Variants in KCNG3 observed in about 807,000 individuals in gnomAD.
The protein encoded by KCNG3 is potassium voltage-gated channel modifier subfamily G member 3, also known as voltage-gated potassium channel regulatory subunit KCNG3.
KCNG3 carries 15 observed loss-of-function variants against 29.0 expected under a neutral mutation model. The observed-to-expected ratio is 0.52, with a 90% CI of 0.35 to 0.80. KCNG3 has a LOEUF of 0.80. Among genes scored for constraint, KCNG3 ranks in the 30% least tolerant of loss-of-function variants. The pLI, the probability that KCNG3 is intolerant of heterozygous loss-of-function variation, is 0.01. For synonymous variants in KCNG3, 322 were observed against 248.9 expected, an observed-to-expected ratio of 1.29 and a Z score of -2.76; for missense variants, 512 against 605.7, an observed-to-expected ratio of 0.85 and a Z score of 1.62.
chr2:42,466,753 C>CCTTTTTTTTTTTTT (rs1553329191), intron 1 of KCNG3, among the ~76,000 whole-genome samples: 1 of 134,270 alleles, frequency 7.4e-6, no homozygotes, highest in Non-Finnish European at 1.6e-5. Flanking sequence ...AATACTCTTC[C>CCTTTTTTTTTTTTT]TTTTTTTTTT....
At position 42,457,816 on chromosome 2, in the gene KCNG3, T is replaced by TA. The variant is rs796611658; in HGVS notation, c.666-13238dup. On this transcript the variant is annotated intron_variant, in intron 1 of 1. Coordinates refer to ENST00000306078, the MANE Select transcript of KCNG3 (RefSeq NM_133329.6). ...GGGTAACAGAGTAAGACCCTATCTC[T>TA]AAAAAAAAAAAGAAATGTACAAAGC... is the stretch of plus-strand genomic sequence containing the variant. Among the ~76,000 whole-genome samples the TA allele has an allele frequency of 4.9e-3, 689 of 141,578 alleles. 4 individuals carry two copies. The highest frequency in any genetic ancestry group is 0.015 in the African/African-American group (583 of 38,738). 92.9% of individuals were successfully genotyped at this position (141,578 alleles called of 152,430 possible). A position where few individuals can be genotyped will look rare whatever the true frequency, so the allele number is the denominator to read the frequency against.
chr2:42,406,636 C>T, the KCNG3 span, among the ~76,000 whole-genome samples: 1 of 150,800 alleles, frequency 6.6e-6, no homozygotes, highest in African/African-American at 2.4e-5. Flanking sequence ...ACCAGCCTGA[C>T]CAATATGGTG....
At chr2:42,433,530 G>A in the KCNG3 span, among the ~76,000 whole-genome samples, 2 of 152,150 alleles carry the variant, frequency 1.3e-5, no homozygotes, top group South Asian at 2.1e-4. Flanking sequence ...CTTGAGGTCA[G>A]GAGTTCAAGA....
At chr2:42,490,833 A>G (rs1270678802) in intron 1 of KCNG3, among the ~76,000 whole-genome samples, 1 of 152,216 alleles carries the variant, frequency 6.6e-6, no homozygotes, top group Non-Finnish European at 1.5e-5. Context: ...TTCAGCAACC[A>G]CAAGCAAGCA....
chr2:42,430,540 G>A, the KCNG3 span, among the ~76,000 whole-genome samples: 4 of 150,902 alleles, frequency 2.7e-5, no homozygotes, highest in East Asian at 2.0e-4. Context: ...ACTTGGGCCC[G>A]GGAGGTTTGA....
At chr2:42,432,499 C>T in the KCNG3 span, among the ~76,000 whole-genome samples, 12 of 152,288 alleles carry the variant, frequency 7.9e-5, 1 homozygote, top group Middle Eastern at 3.4e-3. Flanking sequence ...CTAACATTGA[C>T]GATTCAAGGA....
chr2:42,446,459 A>C (rs1672600372), intron 1 of KCNG3, among the ~76,000 whole-genome samples: 1 of 152,234 alleles, frequency 6.6e-6, no homozygotes, highest in South Asian at 2.1e-4. Context: ...GATTACAGGC[A>C]TGAGCCACCA....
the KCNG3 span, among the ~76,000 whole-genome samples, chr2:42,429,240 A>T: frequency 6.6e-6 from 1 of 152,220 alleles, no homozygotes; most frequent in African/African-American, 2.4e-5. Flanking sequence ...AGAATGTGGT[A>T]CAAGGGGAGA....
chr2:42,393,784 C>G, the KCNG3 span, among the ~76,000 whole-genome samples: 19 of 151,968 alleles, frequency 1.3e-4, no homozygotes, highest in Admixed American at 3.9e-4. Context: ...GTAAACTTCC[C>G]CCTTTTTTTT....
intron 1 of KCNG3, among the ~76,000 whole-genome samples, chr2:42,487,971 G>C (rs1263118480): frequency 6.6e-6 from 1 of 152,140 alleles, no homozygotes; most frequent in East Asian, 1.9e-4. Context: ...TAAAAAGCAA[G>C]TTTCAGGACT....
At position 42,493,307 on chromosome 2, in the gene KCNG3, C is replaced by T. The variant is rs778209277; in HGVS notation, c.195G>A (p.Arg65=). Residue 65 remains arginine, a synonymous_variant, in exon 1 of 2, where the codon CGG becomes CGA. Transcript: ENST00000306078. ...GGATGAAGCCGAAGGCCTCCGAGTGCCGGTCGAAGAAGTACTCGTTGCGCT... is the reference window on the plus strand; with the variant it reads ...GGATGAAGCCGAAGGCCTCCGAGTGTCGGTCGAAGAAGTACTCGTTGCGCT... The part of the protein sequence containing the change: ...DRERNEYFFD[R]HSEAFGFILL... The T allele has an allele frequency of 1.2e-6, 2 of 1,610,356 alleles. No individual in the cohort carries two copies. The highest frequency in any genetic ancestry group is 1.1e-5 in the South Asian group (1 of 90,704).
intron 1 of KCNG3, among the ~76,000 whole-genome samples, chr2:42,447,961 C>A (rs1672644599): frequency 6.6e-6 from 1 of 152,156 alleles, no homozygotes; most frequent in African/African-American, 2.4e-5. Flanking sequence ...TGCCAAGCTA[C>A]CCCTACAGAG....
chr2:42,404,768 C>A, the KCNG3 span, among the ~76,000 whole-genome samples: 1 of 152,106 alleles, frequency 6.6e-6, no homozygotes, highest in Admixed American at 6.5e-5. Flanking sequence ...GATGCTGCCA[C>A]TGGGGGAGTA....
At chr2:42,478,579 TGGTAGTGGA>T (rs1225952110) in intron 1 of KCNG3, among the ~76,000 whole-genome samples, 8 of 152,090 alleles carry the variant, frequency 5.3e-5, no homozygotes, top group Admixed American at 2.0e-4. Flanking sequence ...ATTGAGTACA[TGGTAGTGGA>T]GGATATAAAA....
chr2:42,458,090 C>T (rs952856513), intron 1 of KCNG3, among the ~76,000 whole-genome samples: 2 of 152,096 alleles, frequency 1.3e-5, no homozygotes, highest in Non-Finnish European at 2.9e-5. Context: ...TTTTTACATT[C>T]CTCACTTGAT....
the KCNG3 span, among the ~76,000 whole-genome samples, chr2:42,394,739 T>A: frequency 2.0e-5 from 3 of 152,188 alleles, no homozygotes; most frequent in African/African-American, 7.2e-5. Context: ...ATGATTGATG[T>A]CTCATGTCTC....
intron 1 of KCNG3, among the ~76,000 whole-genome samples, chr2:42,473,272 GT>G (rs974955294): frequency 6.6e-6 from 1 of 151,848 alleles, no homozygotes; most frequent in Non-Finnish European, 1.5e-5. Flanking sequence ...ATCATCTATT[GT>G]TTTTTATATG....
chr2:42,462,486 A>C (rs192910656), intron 1 of KCNG3, among the ~76,000 whole-genome samples: 1 of 152,182 alleles, frequency 6.6e-6, no homozygotes, highest in African/African-American at 2.4e-5. Flanking sequence ...GTTGGAGACC[A>C]GCCTGGTCAA....
chr2:42,483,438 T>C (rs535422960), intron 1 of KCNG3, among the ~76,000 whole-genome samples: 1 of 152,334 alleles, frequency 6.6e-6, no homozygotes, highest in African/African-American at 2.4e-5. Context: ...GTGCCACTGT[T>C]TGCACTTTTG....
Sources: gnomAD v4.1 joint callset for allele counts (sites outside exome capture counted in the v4.1 genomes callset) on GRCh38, gnomAD v4.1.1 for gene constraint, MANE v1.5 for transcripts, NCBI Gene and HGNC (gene_info 2026-07-23, HGNC 2026-07-21) for gene names.